The following RIPK4 variants were observed in gnomAD, a reference collection of about 807,000 sequenced individuals.
RIPK4 encodes the protein receptor-interacting serine/threonine-protein kinase 4.
Under a neutral mutation model 42.9 loss-of-function variants are expected in RIPK4, and 17 were observed. The observed-to-expected ratio is 0.40, with a 90% CI of 0.27 to 0.59. The LOEUF is 0.59. Ranked by LOEUF, RIPK4 falls within the 20% of genes least tolerant of loss-of-function variation. RIPK4 has a pLI of 0.47. For missense variants in RIPK4, 897 were observed against 1,104.4 expected, an observed-to-expected ratio of 0.81 and a Z score of 2.66; for synonymous variants, 498 against 499.1, an observed-to-expected ratio of 1.00 and a Z score of 0.03.
At chr21:41,745,457 C>T (rs1037813332) in intron 6 of RIPK4, among the ~76,000 whole-genome samples, 3 of 152,342 alleles carry the variant, frequency 2.0e-5, no homozygotes, top group Middle Eastern at 3.4e-3. Flanking sequence ...TCTCCCTCCC[C>T]GGCCGGGGCT....
chr21:41,766,103 T>G (rs2061235254), intron 1 of RIPK4, among the ~76,000 whole-genome samples: 2 of 152,232 alleles, frequency 1.3e-5, no homozygotes, highest in Non-Finnish European at 2.9e-5. Flanking sequence ...AGAACTTGAA[T>G]GCAAGGCCCT....
At chr21:41,761,281 C>A (rs951208906) in intron 1 of RIPK4, among the ~76,000 whole-genome samples, 3 of 152,256 alleles carry the variant, frequency 2.0e-5, no homozygotes, top group Non-Finnish European at 4.4e-5. Flanking sequence ...CTGGGAACAC[C>A]GGTTGGCTGA....
At position 41,753,958 on chromosome 21, in the gene RIPK4, A is replaced by G. The variant is rs529052368; in HGVS notation, c.474+2567T>C. ...TTTAGTATATGTAATGTTGAATAAT[A>G]TCAAGCATTAATTTGATACTATTAC... On this transcript the variant is annotated intron_variant, in intron 2 of 7. Transcript: ENST00000332512. Among the ~76,000 whole-genome samples, 249 of 152,344 alleles carry G rather than the reference A, an allele frequency of 1.6e-3. 1 individual carries two copies. The highest frequency in any genetic ancestry group is 5.9e-3 in the African/African-American group (245 of 41,578).
rs371853259 is a variant in RIPK4 at position 41,741,734 on chromosome 21, C to G, written c.1459G>C (p.Val487Leu). 1 of 1,612,694 alleles carries G rather than the reference C, an allele frequency of 6.2e-7. No homozygotes were observed. The highest frequency in any genetic ancestry group is 2.2e-5 in the East Asian group (1 of 44,876). Residue 487 changes from valine (V) to leucine (L), a missense_variant, in exon 8 of 8, where the codon GTG becomes CTG. Physicochemically the swap from Val to Leu is conservative, Grantham distance 32. Transcript: ENST00000332512. The stretch of plus-strand genomic sequence containing the variant: ...ATCTTCCGCGCCAGCAGGAGCTCCA[C>G]GACACCCCGCACCCTCCTCTCCACG... ...MAVERRVRGV[V>L]ELLLARKISV... is the part of the protein sequence containing the mutation.
At chr21:41,764,798 C>A (rs1041354341) in intron 1 of RIPK4, among the ~76,000 whole-genome samples, 1 of 152,154 alleles carries the variant, frequency 6.6e-6, no homozygotes, top group African/African-American at 2.4e-5. Flanking sequence ...AGGGTTTGAC[C>A]AACTTCTCAG....
Position 41,766,987 on chromosome 21 carries a change from C to A in RIPK4, c.55G>T (p.Ala19Ser). The A allele has an allele frequency of 6.2e-7, 1 of 1,603,982 alleles. No individual in the cohort carries two copies. Among genetic ancestry groups the A allele is most frequent in the Non-Finnish European group, 8.5e-7 (1 of 1,176,376 alleles). ...WALALLRTFD[A>S]GEFTGWEKVG... is the part of the protein sequence containing the mutation. ...TTCTCCCAGCCCGTGAACTCGCCCG[C>A]GTCGAAGGTGCGCAGCAGCGCCAGG... The change falls in exon 1 of 8, where the codon GCG becomes TCG. Residue 19 changes from alanine to serine, a missense_variant. Coordinates refer to ENST00000332512, the MANE Select transcript of RIPK4 (RefSeq NM_020639.3).
chr21:41,749,021 T>C (rs2061180182), intron 4 of RIPK4, 133 bp downstream of exon 4: 1 of 899,484 alleles, frequency 1.1e-6, no homozygotes. Context: ...TGCATGCAAA[T>C]TACACCACAG....
intron 4 of RIPK4, 87 bp from the exon 5 acceptor site, chr21:41,746,858 G>A (rs1338915853): frequency 6.9e-7 from 1 of 1,440,956 alleles, no homozygotes; most frequent in Non-Finnish European, 9.3e-7. Flanking sequence ...ACTCGCCGGG[G>A]GCCACAATGG....
intron 1 of RIPK4, among the ~76,000 whole-genome samples, chr21:41,763,246 T>A (rs1210530896): frequency 6.6e-6 from 1 of 152,150 alleles, no homozygotes; most frequent in African/African-American, 2.4e-5. Flanking sequence ...TTCTCCTCAT[T>A]TAGGGCTAGC....
intron 7 of RIPK4, among the ~76,000 whole-genome samples, chr21:41,743,105 T>C (rs1218138451): frequency 2.6e-5 from 4 of 152,120 alleles, no homozygotes; most frequent in Admixed American, 6.5e-5. Context: ...AAAAGCCAAC[T>C]TCCCCTTCCC....
Position 41,755,006 on chromosome 21 carries a change from G to A in RIPK4, c.474+1519C>T, listed in dbSNP as rs1366330124. On this transcript the variant is annotated intron_variant, in intron 2 of 7. Coordinates refer to ENST00000332512, the MANE Select transcript of RIPK4 (RefSeq NM_020639.3). This position sits in a 1 kb window ranked among gnomAD's most constrained non-coding sequence, Gnocchi z 4.2. ...GCAGCTCCCGCAGGTGAAGCCTCTA[G>A]CATGTCCTTTCCGGTATTCAGTGCA... Among the ~76,000 whole-genome samples the A allele has an allele frequency of 6.6e-6, 1 of 152,226 alleles. No homozygotes were observed. The highest frequency in any genetic ancestry group is 1.5e-5 in the Non-Finnish European group (1 of 68,044).
chr21:41,766,650 G>A (rs907934298), intron 1 of RIPK4, among the ~76,000 whole-genome samples: 2 of 152,046 alleles, frequency 1.3e-5, no homozygotes, highest in African/African-American at 4.8e-5. Context: ...GATCGAGCCC[G>A]GGCTCGCCAA....
chr21:41,751,344 G>A lies in RIPK4; in HGVS notation c.475-99C>T. ...CCTTCTGCAATCTCAGAGGGTGGGT[G>A]AGAGCTTTCCAGGAGCCCCTAAGAG... On this transcript the variant is annotated intron_variant, in intron 2 of 7. Coordinates refer to ENST00000332512, the MANE Select transcript of RIPK4 (RefSeq NM_020639.3). The surrounding 1 kb of genome is among the most constrained non-coding windows in gnomAD (Gnocchi z 4.5). 1.3e-6 allele frequency: 2 copies of A among 1,497,018 alleles called. No individual in the cohort carries two copies. The highest frequency in any genetic ancestry group is 1.9e-5 in the Admixed American group (1 of 51,576). 92.7% of individuals were successfully genotyped at this position (1,497,018 alleles called of 1,614,324 possible).
intron 1 of RIPK4, among the ~76,000 whole-genome samples, chr21:41,765,773 A>G (rs2061234330): frequency 6.6e-6 from 1 of 152,280 alleles, no homozygotes; most frequent in African/African-American, 2.4e-5. Context: ...ATACAAGCAT[A>G]GCTTCCATGT....
Position 41,741,628 on chromosome 21 carries a change from A to T in RIPK4, c.1565T>A (p.Leu522Gln), listed in dbSNP as rs745636787. ...AQNGDESSTR[L>Q]LLEKNASVNE... Reference sequence around the variant, plus strand: ...GACCGAGGCGTTCTTCTCCAACAGCAGCCGTGTGCTAGACTCGTCCCCGTT... The same window carrying T: ...GACCGAGGCGTTCTTCTCCAACAGCTGCCGTGTGCTAGACTCGTCCCCGTT... The change falls in exon 8 of 8, where the codon CTG becomes CAG. Residue 522 changes from leucine to glutamine, a missense_variant. By Grantham distance (113) the Leu-to-Gln change is moderately radical. Coordinates refer to ENST00000332512, the MANE Select transcript of RIPK4 (RefSeq NM_020639.3). 8 of 1,613,314 alleles carry T rather than the reference A, an allele frequency of 5.0e-6. No individual in the cohort carries two copies. The highest frequency in any genetic ancestry group is 6.8e-6 in the Non-Finnish European group (8 of 1,179,998).
intron 1 of RIPK4, among the ~76,000 whole-genome samples, chr21:41,763,341 A>G (rs1830694545): frequency 6.6e-6 from 1 of 152,176 alleles, no homozygotes; most frequent in Admixed American, 6.5e-5. Flanking sequence ...CTCTAAAAGG[A>G]ACTTCTAAAG....
chr21:41,754,169 T>G (rs1170308870), intron 2 of RIPK4, among the ~76,000 whole-genome samples: 2 of 152,276 alleles, frequency 1.3e-5, no homozygotes, highest in South Asian at 4.1e-4. Context: ...AACTGTCTAC[T>G]GAGGACTGCC....
In RIPK4 at chr21:41,762,469, T is replaced by C. The variant is rs185875649; in HGVS notation, c.182+4391A>G. The stretch of plus-strand genomic sequence containing the variant: ...TTCCAGCCCCTCTCCAGGTGCTCCC[T>C]AGGCGCACATCTGGGAAACTCCAGC... On this transcript the variant is annotated intron_variant, in intron 1 of 7. Coordinates refer to ENST00000332512, the MANE Select transcript of RIPK4 (RefSeq NM_020639.3). Among the ~76,000 whole-genome samples the C allele has an allele frequency of 7.2e-5, 11 of 152,332 alleles. No homozygotes were observed. The East Asian group carries it at 2.1e-3, about 29-fold the overall frequency.
rs1214806178 is a variant in RIPK4, at chr21:41,741,395, G to T, written c.1798C>A (p.Gln600Lys). Reference protein sequence around the residue: ...AKQPGVSVNAQTLDGRTPLHL... With the variant: ...AKQPGVSVNAKTLDGRTPLHL... Reference sequence around the variant, plus strand: ...AATGGCGTCCTCCCATCCAGCGTCTGGGCGTTCACACTCACCCCCGGCTGC... The same window carrying T: ...AATGGCGTCCTCCCATCCAGCGTCTTGGCGTTCACACTCACCCCCGGCTGC... The change falls in exon 8 of 8, where the codon CAG becomes AAG. Residue 600 changes from glutamine to lysine, a missense_variant. Physicochemically the swap from Gln to Lys is moderately conservative, Grantham distance 53. Coordinates refer to ENST00000332512, the MANE Select transcript of RIPK4 (RefSeq NM_020639.3). 1 of 1,612,656 alleles carries T rather than the reference G, an allele frequency of 6.2e-7. No homozygotes were observed. Among genetic ancestry groups the T allele is most frequent in the Non-Finnish European group, 8.5e-7 (1 of 1,179,904 alleles).
Sources: gnomAD v4.1 joint callset for allele counts (sites outside exome capture counted in the v4.1 genomes callset) on GRCh38, gnomAD v4.1.1 for gene constraint, Gnocchi (gnomAD v3.1) non-coding constraint, MANE v1.5 for transcripts, NCBI Gene and HGNC (gene_info 2026-07-23, HGNC 2026-07-21) for gene names.